The following PACRG variants were observed in gnomAD, a reference collection of about 807,000 sequenced individuals.
PACRG encodes parkin coregulated gene protein.
Under a neutral mutation model 29.7 loss-of-function variants are expected in PACRG, and 29 were observed. The ratio of observed to expected loss-of-function variants is 0.98; its 90% CI spans 0.73 to 1.33. The LOEUF (loss-of-function observed/expected upper bound fraction) is 1.33, where lower values mean the gene tolerates loss of function less well. Among genes scored for constraint, PACRG ranks in the 40% most tolerant of loss-of-function variants. The probability of loss-of-function intolerance (pLI) is 0.00; values close to 1 mark genes in which losing one functional copy is unlikely to be tolerated. For synonymous variants in PACRG, 116 were observed against 118.7 expected, an observed-to-expected ratio of 0.98 and a Z score of 0.15; for missense variants, 279 against 316.2, an observed-to-expected ratio of 0.88 and a Z score of 0.89.
At chr6:163,226,384 G>A (rs1781798170) in intron 4 of PACRG, among the ~76,000 whole-genome samples, 1 of 152,260 alleles carries the variant, frequency 6.6e-6, no homozygotes, top group African/African-American at 2.4e-5. Flanking sequence ...AGCATGTGAG[G>A]TGATGGATAT....
chr6:162,957,751 C>T (rs1309539850), intron 2 of PACRG, among the ~76,000 whole-genome samples: 4 of 151,960 alleles, frequency 2.6e-5, no homozygotes, highest in South Asian at 2.1e-4. Context: ...GCCCAGAACT[C>T]GAATTTAATC....
At chr6:163,101,792 A>G (rs1318684819) in intron 4 of PACRG, among the ~76,000 whole-genome samples, 1 of 152,190 alleles carries the variant, frequency 6.6e-6, no homozygotes, top group Non-Finnish European at 1.5e-5. Context: ...TGCGCTGCCT[A>G]CACAAAGACT....
At chr6:162,908,417 T>C (rs952972047) in intron 2 of PACRG, among the ~76,000 whole-genome samples, 1 of 152,218 alleles carries the variant, frequency 6.6e-6, no homozygotes, top group Non-Finnish European at 1.5e-5. Flanking sequence ...TTGGCACACA[T>C]ACAGAAGCCC....
chr6:162,967,614 C>T (rs1205033788), intron 2 of PACRG, among the ~76,000 whole-genome samples: 4 of 151,574 alleles, frequency 2.6e-5, no homozygotes, highest in African/African-American at 9.7e-5. Context: ...TCACGCCATT[C>T]TCCTGCCTCA....
chr6:163,066,329 A>C (rs1264213547), intron 3 of PACRG, among the ~76,000 whole-genome samples: 1 of 152,214 alleles, frequency 6.6e-6, no homozygotes. Flanking sequence ...GAAGAAAAAC[A>C]CTGTGGACGC....
chr6:163,104,288 G>A (rs1480451784), intron 4 of PACRG, among the ~76,000 whole-genome samples: 1 of 152,126 alleles, frequency 6.6e-6, no homozygotes, highest in African/African-American at 2.4e-5. Flanking sequence ...TCCACTTTTT[G>A]TGTTAGAAGG....
At chr6:163,312,237 C>T (rs894665499) in intron 4 of PACRG, among the ~76,000 whole-genome samples, 1 of 152,148 alleles carries the variant, frequency 6.6e-6, no homozygotes, top group Non-Finnish European at 1.5e-5. Context: ...CAAAGATGAG[C>T]CCAACTCTGA....
intron 1 of PACRG, among the ~76,000 whole-genome samples, chr6:162,772,803 A>C (rs931455474): frequency 5.3e-5 from 8 of 152,224 alleles, no homozygotes; most frequent in African/African-American, 1.9e-4. Context: ...TGGCAGGAAT[A>C]GAGGACAGAT....
rs1330102989 is a variant in PACRG at position 162,961,738 on chromosome 6, C to T, written c.292-100412C>T. Among the ~76,000 whole-genome samples the T allele has an allele frequency of 2.6e-5, 4 of 152,274 alleles. No individual in the cohort carries two copies. The East Asian group carries it at 7.7e-4, about 29-fold the overall frequency. On this transcript the variant is annotated intron_variant, in intron 2 of 4. Coordinates refer to ENST00000366888, the MANE Select transcript of PACRG (RefSeq NM_001080379.2). ...CCACCATCTTCATTTCTACCCGCTTCCCTAGAGTCCTGCCTTTAGTCTAGT... is the reference window on the plus strand; with the variant it reads ...CCACCATCTTCATTTCTACCCGCTTTCCTAGAGTCCTGCCTTTAGTCTAGT...
intron 4 of PACRG, among the ~76,000 whole-genome samples, chr6:163,209,162 A>G (rs1280701074): frequency 6.6e-6 from 1 of 152,368 alleles, no homozygotes; most frequent in East Asian, 1.9e-4. Context: ...GGAAGTACAC[A>G]GTGAACTGTT....
At chr6:163,003,188 C>T (rs558630663) in intron 2 of PACRG, among the ~76,000 whole-genome samples, 7 of 152,282 alleles carry the variant, frequency 4.6e-5, no homozygotes, top group African/African-American at 1.7e-4. Flanking sequence ...TAGGTGAATA[C>T]TTCTATGGCC....
chr6:162,904,860 T>C (rs1445967455), intron 2 of PACRG, among the ~76,000 whole-genome samples: 1 of 152,254 alleles, frequency 6.6e-6, no homozygotes, highest in East Asian at 1.9e-4. Context: ...AGTGGCCGAC[T>C]ATCTTTGGGT....
intron 2 of PACRG, among the ~76,000 whole-genome samples, chr6:163,038,707 T>TATA (rs1184599569): frequency 6.6e-6 from 1 of 152,134 alleles, no homozygotes; most frequent in African/African-American, 2.4e-5. Flanking sequence ...GGTGACAGAA[T>TATA]ATAAACAAAT....
chr6:162,853,398 G>A lies in PACRG; in HGVS notation c.291+39117G>A, dbSNP rs1791092976. Among the ~76,000 whole-genome samples, 1 of 152,152 alleles carries A rather than the reference G, an allele frequency of 6.6e-6. No individual in the cohort carries two copies. The highest frequency in any genetic ancestry group is 2.4e-5 in the African/African-American group (1 of 41,430). On this transcript the variant is annotated intron_variant, in intron 2 of 4. Transcript: ENST00000366888. The surrounding 1 kb of genome is among the most constrained non-coding windows in gnomAD (Gnocchi z 4.7). ...ACTTACCGTACGTTTTAACTTTCCT[G>A]ATATCCTACCATTATGTGTTACTAT...
At chr6:163,158,623 A>G (rs1004388675) in intron 4 of PACRG, among the ~76,000 whole-genome samples, 4 of 152,246 alleles carry the variant, frequency 2.6e-5, no homozygotes, top group African/African-American at 4.8e-5. Context: ...TTATTTTTAA[A>G]TGAGAAGAGG....
At chr6:162,813,100 T>G (rs1312955689) in intron 1 of PACRG, among the ~76,000 whole-genome samples, 5 of 152,024 alleles carry the variant, frequency 3.3e-5, no homozygotes, top group Admixed American at 3.3e-4. Flanking sequence ...TCATATCTAA[T>G]ATGTGTATTG....
chr6:163,008,979 C>T (rs1562827354), intron 2 of PACRG, among the ~76,000 whole-genome samples: 1 of 152,106 alleles, frequency 6.6e-6, no homozygotes, highest in Non-Finnish European at 1.5e-5. Context: ...TCTGTTGGTA[C>T]AAAAGGGAGG....
chr6:163,079,903 T>TTTTC (rs1451880033), intron 3 of PACRG, among the ~76,000 whole-genome samples: 2 of 139,078 alleles, frequency 1.4e-5, no homozygotes, highest in Non-Finnish European at 3.1e-5. Context: ...TTTTTTTTTT[T>TTTTC]TTTTTTTTTT....
At chr6:162,890,551 C>T (rs1268349088) in intron 2 of PACRG, among the ~76,000 whole-genome samples, 1 of 152,202 alleles carries the variant, frequency 6.6e-6, no homozygotes, top group Non-Finnish European at 1.5e-5. Context: ...AGAGCCAGCC[C>T]CTCCTAATGG....
Sources: allele counts gnomAD v4.1 joint callset (sites outside exome capture counted in the v4.1 genomes callset), GRCh38; gene constraint gnomAD v4.1.1; non-coding constraint Gnocchi (gnomAD v3.1); transcripts MANE v1.5; gene names NCBI Gene and HGNC (gene_info 2026-07-23, HGNC 2026-07-21).